The following DNAH5 variants were observed in gnomAD, a reference collection of about 807,000 sequenced individuals.
DNAH5 encodes axonemal beta dynein heavy chain 5.
Under a neutral mutation model 518.2 loss-of-function variants are expected in DNAH5, and 372 were observed. The ratio of observed to expected loss-of-function variants is 0.72; its 90% CI spans 0.66 to 0.78. The LOEUF is 0.78. Among genes scored for constraint, DNAH5 ranks in the 30% least tolerant of loss-of-function variants. DNAH5 has a pLI of 0.00. For synonymous variants in DNAH5, 2,039 were observed against 2,025.9 expected, an observed-to-expected ratio of 1.01 and a Z score of -0.17; for missense variants, 5,523 against 5,687.0, an observed-to-expected ratio of 0.97 and a Z score of 0.93.
intron 31 of DNAH5, among the ~76,000 whole-genome samples, chr5:13,845,671 C>T (rs1002124464): frequency 1.1e-4 from 16 of 152,110 alleles, no homozygotes; most frequent in Non-Finnish European, 2.1e-4. Flanking sequence ...GTTTTCTTAA[C>T]TATAGCTCTC....
At position 13,830,027 on chromosome 5, in the gene DNAH5, A is replaced by G. The variant is rs775331400; in HGVS notation, c.6248T>C (p.Met2083Thr). 2 of 1,613,606 alleles carry G rather than the reference A, an allele frequency of 1.2e-6. No individual in the cohort carries two copies. Among genetic ancestry groups the G allele is most frequent in the South Asian group, 2.2e-5 (2 of 91,076 alleles). Residue 2083 changes from methionine (M) to threonine (T), a missense_variant and splice_region_variant, in exon 37 of 79, where the codon ATG becomes ACG. Coordinates refer to ENST00000265104, the MANE Select transcript of DNAH5 (RefSeq NM_001369.3). ...GTAGCTTTTCTAGCAGCTCCTTACC[A>G]TGGTTAAGAAAAGCCCAAATTCAGG... ...MNPEFGLFLT[M>T]NPGYAGRQEL...
rs1056391734 is a variant in DNAH5 at position 14,007,016 on chromosome 5, T to C, written c.12+4632A>G. Reference sequence around the variant, plus strand: ...CCTCTGGCCTCTCCTGGTCTCTTTCTGGATGTGGACCAGGCCCTCCACGCC... The same window carrying C: ...CCTCTGGCCTCTCCTGGTCTCTTTCCGGATGTGGACCAGGCCCTCCACGCC... On this transcript the variant is annotated intron_variant, in intron 1 of 78. Coordinates refer to the DNAH5 transcript ENST00000681290. 2.6e-5 allele frequency among the ~76,000 whole-genome samples: 4 copies of C among 152,320 alleles called. No homozygotes were observed. The East Asian group carries it at 7.7e-4, about 29-fold the overall frequency.
intron 64 of DNAH5, among the ~76,000 whole-genome samples, 191 bp from the exon 65 acceptor site, chr5:13,751,451 T>C (rs1750214202): frequency 6.6e-6 from 1 of 151,894 alleles, no homozygotes; most frequent in South Asian, 2.1e-4. Flanking sequence ...CAAAGAAGGA[T>C]GGGAGGAAGA....
chr5:13,845,582 T>C (rs980191671), intron 31 of DNAH5, among the ~76,000 whole-genome samples: 3 of 152,128 alleles, frequency 2.0e-5, no homozygotes, highest in Non-Finnish European at 2.9e-5. Flanking sequence ...ATCACTGACT[T>C]GCTTTCAGCC....
intron 69 of DNAH5, among the ~76,000 whole-genome samples, chr5:13,728,913 AG>A: frequency 6.6e-6 from 1 of 152,218 alleles, no homozygotes; most frequent in East Asian, 1.9e-4. Flanking sequence ...GATTCTAGAA[AG>A]ATGATAACTT....
intron 39 of DNAH5, 150 bp downstream of exon 39, chr5:13,824,049 G>T: frequency 1.2e-6 from 1 of 817,102 alleles, no homozygotes; most frequent in Non-Finnish European, 2.0e-6. Flanking sequence ...GTCTGAAAAA[G>T]TATAATTTAA....
Position 13,870,814 on chromosome 5 carries a change from T to C in DNAH5, c.3787A>G (p.Ile1263Val). 1.2e-6 allele frequency: 2 copies of C among 1,613,858 alleles called. No homozygotes were observed. Among genetic ancestry groups the C allele is most frequent in the Non-Finnish European group, 1.7e-6 (2 of 1,179,834 alleles). Residue 1263 changes from isoleucine (I) to valine (V), a missense_variant, in exon 24 of 79, where the codon ATA becomes GTA. Ile to Val is a conservative substitution (Grantham distance 29, BLOSUM62 3). Transcript: ENST00000265104. Reference sequence around the variant, plus strand: ...TCAATGGAGATTTGCTCCTCCCTTATTTCTTTCAGCGCTGCCATTGCAATC... The same window carrying C: ...TCAATGGAGATTTGCTCCTCCCTTACTTCTTTCAGCGCTGCCATTGCAATC... ...IRIAMAALKE[I>V]REEQISIDFQ...
intron 7 of DNAH5, among the ~76,000 whole-genome samples, chr5:13,918,293 T>G (rs1040125909): frequency 1.3e-5 from 2 of 152,080 alleles, no homozygotes; most frequent in African/African-American, 4.8e-5. Flanking sequence ...AGCAAGAAAC[T>G]GAATCCAGCA....
At chr5:13,782,099 T>C (rs1015964277) in intron 52 of DNAH5, among the ~76,000 whole-genome samples, 2 of 152,246 alleles carry the variant, frequency 1.3e-5, no homozygotes, top group Admixed American at 1.3e-4. Context: ...GCAAGAACTG[T>C]TTCTCTTTCC....
chr5:14,009,438 C>A (rs550981042), intron 1 of DNAH5, among the ~76,000 whole-genome samples: 1 of 152,202 alleles, frequency 6.6e-6, no homozygotes, highest in African/African-American at 2.4e-5. Flanking sequence ...GTGAAAGTGA[C>A]ATTTCAGGGA....
At chr5:13,945,946 C>T (rs555089759), upstream of DNAH5, among the ~76,000 whole-genome samples, 10 of 152,210 alleles carry the variant, frequency 6.6e-5, no homozygotes, top group Admixed American at 2.0e-4. Flanking sequence ...TGTTGGTAAG[C>T]GGCTGTTGTC....
Position 13,841,078 on chromosome 5 carries a change from A to T in DNAH5, c.5537T>A (p.Leu1846His). Residue 1846 changes from leucine to histidine, a missense_variant, in exon 34 of 79, where the codon CTT becomes CAT. Leu to His is a moderately conservative substitution (Grantham distance 99). Around this residue, in one of 3 missense-constraint regions of DNAH5, gnomAD observed 5,121 missense variants for 5,223.3 expected, o/e 0.98. Coordinates refer to ENST00000265104, the MANE Select transcript of DNAH5 (RefSeq NM_001369.3). ...TTTTTTATCAAACTTGGCATTTCTA[A>T]GGGCTTCTTCTGAATCCCGTGTCCA... Reference protein sequence around the residue: ...MIWTRDSEEALRNAKFDKKIM... With the variant: ...MIWTRDSEEAHRNAKFDKKIM... 1 of 1,614,152 alleles carries T rather than the reference A, an allele frequency of 6.2e-7. No individual in the cohort carries two copies. Among genetic ancestry groups the T allele is most frequent in the Non-Finnish European group, 8.5e-7 (1 of 1,180,012 alleles).
chr5:13,920,410 A>G, intron 6 of DNAH5, 70 bp downstream of exon 6: 6 of 1,592,762 alleles, frequency 3.8e-6, no homozygotes, highest in Non-Finnish European at 5.2e-6. Flanking sequence ...TCGTATGTCA[A>G]TACACCTTCT....
rs2151941772 is a variant in DNAH5, at chr5:13,885,170, A to G, written c.2802T>C (p.Asn934=). The G allele has an allele frequency of 6.2e-7, 1 of 1,614,170 alleles. No individual in the cohort carries two copies. The highest frequency in any genetic ancestry group is 1.3e-5 in the African/African-American group (1 of 75,050). The change falls in exon 19 of 79, where the codon AAT becomes AAC. Residue 934 remains asparagine (N), a synonymous_variant. Coordinates refer to ENST00000265104, the MANE Select transcript of DNAH5 (RefSeq NM_001369.3). The part of the protein sequence containing the change: ...TLTSSINARA[N]ALLLTTVTRK... ...TCGTGACTGTCGTCAAAAGCAGGGCATTGGCCCTGGCATTAATAGATGATG... is the reference window on the plus strand; with the variant it reads ...TCGTGACTGTCGTCAAAAGCAGGGCGTTGGCCCTGGCATTAATAGATGATG...
At chr5:13,944,282 T>A (rs2152028844) in intron 1 of DNAH5, 100 bp downstream of exon 1, 2 of 1,104,174 alleles carry the variant, frequency 1.8e-6, no homozygotes, top group African/African-American at 1.5e-5. Flanking sequence ...AATTCATCAG[T>A]GTGTGACTTT....
At chr5:13,842,423 A>AAAGG (rs1391485740) in intron 32 of DNAH5, among the ~76,000 whole-genome samples, 2 of 75,898 alleles carry the variant, frequency 2.6e-5, no homozygotes, top group East Asian at 1.0e-3. Flanking sequence ...AAAAGAAAAG[A>AAAGG]AAAGAAAGAA....
At position 13,927,944 on chromosome 5, in the gene DNAH5, C is replaced by G. The variant is rs1052494489; in HGVS notation, c.277+150G>C. On this transcript the variant is annotated intron_variant, in intron 3 of 78. Coordinates refer to ENST00000265104, the MANE Select transcript of DNAH5 (RefSeq NM_001369.3). The stretch of plus-strand genomic sequence containing the variant: ...CTTCCACAGGGCCACACCCTACACA[C>G]TAATGGTTTCCCACATGGACCCACA... 2.7e-5 allele frequency: 18 copies of G among 668,020 alleles called. No individual in the cohort carries two copies. The African/African-American group carries it at 3.0e-4, about 11-fold the overall frequency. The allele number at this position is 668,020 out of a possible 1,614,324, so 41.4% of individuals were successfully genotyped here.
chr5:13,882,064 G>T (rs1771751678), intron 21 of DNAH5, among the ~76,000 whole-genome samples: 1 of 151,890 alleles, frequency 6.6e-6, no homozygotes, highest in Non-Finnish European at 1.5e-5. Flanking sequence ...TAGAAGAAAT[G>T]AATAAATTCC....
At chr5:13,795,592 C>T (rs988829695) in intron 47 of DNAH5, among the ~76,000 whole-genome samples, 10 of 152,278 alleles carry the variant, frequency 6.6e-5, no homozygotes, top group South Asian at 4.1e-4. Context: ...CAGGACCAGA[C>T]GGATTCACAG....
Sources: gnomAD v4.1 joint callset for allele counts (sites outside exome capture counted in the v4.1 genomes callset) on GRCh38, gnomAD v4.1.1 for gene constraint, gnomAD v4.1.1 regional missense constraint, MANE v1.5 for transcripts, NCBI Gene and HGNC (gene_info 2026-07-23, HGNC 2026-07-21) for gene names.